Variants in CD59 observed in about 807,000 individuals in gnomAD.
The protein encoded by CD59 is CD59 molecule (CD59 blood group).
CD59 carries 3 observed loss-of-function variants against 7.0 expected under a neutral mutation model. The observed-to-expected ratio is 0.43, with a 90% CI of 0.19 to 1.10. The LOEUF is 1.10. Ranked by LOEUF, CD59 falls within the 50% of genes least tolerant of loss-of-function variation. CD59 has a pLI of 0.29. For missense variants in CD59, 143 were observed against 151.0 expected (o/e 0.95, Z 0.28); for synonymous variants, 60 against 62.0 (o/e 0.97, Z 0.15).
chr11:33,718,099 T>TA (rs1396642138), intron 2 of CD59: 1 of 155,630 alleles, frequency 6.4e-6, no homozygotes, highest in African/African-American at 2.4e-5. Flanking sequence ...ATTTTGTCAA[T>TA]AAAAAAATCT....
At chr11:33,713,275 AGAAGGTATTT>A (rs1853645063) in intron 3 of CD59, among the ~76,000 whole-genome samples, 1 of 152,212 alleles carries the variant, frequency 6.6e-6, no homozygotes, top group Non-Finnish European at 1.5e-5. Context: ...CTGGGGTATA[AGAAGGTATTT>A]GTCCTTGCCC....
chr11:33,714,888 C>A (rs1272966962), intron 3 of CD59, among the ~76,000 whole-genome samples: 1 of 151,064 alleles, frequency 6.6e-6, no homozygotes, highest in Non-Finnish European at 1.5e-5. Flanking sequence ...CCTAGGAGAG[C>A]AATGCCTTCT....
rs1214044396 is a variant in CD59 at position 33,706,279 on chromosome 11, G to GAT, written c.*3845_*3846dup. The GAT allele has an allele frequency of 6.6e-6, 1 of 151,970 alleles. No homozygotes were observed. Among genetic ancestry groups the GAT allele is most frequent in the Non-Finnish European group, 1.5e-5 (1 of 68,004 alleles). 9.4% of individuals were successfully genotyped at this position (151,970 alleles called of 1,614,324 possible). On this transcript the variant is annotated 3_prime_UTR_variant, in exon 4 of 4. Coordinates refer to ENST00000642928, the MANE Select transcript of CD59 (RefSeq NM_000611.6). ...TGTATAAACAGGAAGCTTTAGTTTAGATAAATAAGATTATCCATTACAAAA... is the reference window on the plus strand; with the variant it reads ...TGTATAAACAGGAAGCTTTAGTTTAGATATAAATAAGATTATCCATTACAAAA...
In CD59 at chr11:33,705,116, G is replaced by A. The variant is rs758162895; in HGVS notation, c.*5010C>T. 6.6e-5 allele frequency: 10 copies of A among 152,190 alleles called. No individual in the cohort carries two copies. Among genetic ancestry groups the A allele is most frequent in the Non-Finnish European group, 1.3e-4 (9 of 68,046 alleles). 9.4% of individuals were successfully genotyped at this position (152,190 alleles called of 1,614,324 possible). A position where few individuals can be genotyped will look rare whatever the true frequency, so the allele number is the denominator to read the frequency against. On this transcript the variant is annotated 3_prime_UTR_variant, in exon 4 of 4. Transcript: ENST00000642928. ...GGGAGTACAGAGGCCTGGAAGATGA[G>A]GGAGCTGGGTTTAAGCCCCATCAAC...
At chr11:33,722,294 A>G in intron 2 of CD59, 85 bp downstream of exon 2, 1 of 996,196 alleles carries the variant, frequency 1.0e-6, no homozygotes, top group Non-Finnish European at 1.6e-6. Flanking sequence ...GGCCTGGAGG[A>G]GCAGCTGGGG....
chr11:33,717,218 A>G (rs2133544316), intron 3 of CD59, 152 bp downstream of exon 3: 7 of 669,400 alleles, frequency 1.0e-5, no homozygotes. Flanking sequence ...TTTAAAATGT[A>G]TGAAGAAAGT....
At chr11:33,711,818 A>T (rs1402631996) in intron 3 of CD59, among the ~76,000 whole-genome samples, 1 of 152,256 alleles carries the variant, frequency 6.6e-6, no homozygotes, top group Non-Finnish European at 1.5e-5. Flanking sequence ...ATACCACTTT[A>T]TACTCACTAG....
rs920536095 is a variant in CD59 at position 33,703,793 on chromosome 11, G to C, written c.*6333C>G. ...TCATTGTTCCGCTGTCAGGAGGAGA[G>C]GGGCCAGAAGGGTCACACTGAAGAA... On this transcript the variant is annotated 3_prime_UTR_variant, in exon 4 of 4. Transcript: ENST00000642928. The C allele has an allele frequency of 6.6e-6, 1 of 152,230 alleles. No homozygotes were observed. The highest frequency in any genetic ancestry group is 2.4e-5 in the African/African-American group (1 of 41,442). 9.4% of individuals were successfully genotyped at this position (152,230 alleles called of 1,614,324 possible).
intron 1 of CD59, among the ~76,000 whole-genome samples, chr11:33,730,326 G>A (rs901409404): frequency 6.6e-6 from 1 of 151,990 alleles, no homozygotes; most frequent in African/African-American, 2.4e-5. Flanking sequence ...GAGGTGGAAG[G>A]ATTGCTTGAG....
chr11:33,726,782 C>A (rs1447668924), intron 1 of CD59, among the ~76,000 whole-genome samples: 2 of 151,810 alleles, frequency 1.3e-5, no homozygotes, highest in African/African-American at 4.8e-5. Flanking sequence ...GTTAGCCAGA[C>A]TAATAAAGAA....
rs1853571193 is a variant in CD59, at chr11:33,711,798, T to C, written c.170-1455A>G. Among the ~76,000 whole-genome samples the C allele has an allele frequency of 2.6e-5, 4 of 152,182 alleles. No individual in the cohort carries two copies. The South Asian group carries it at 8.3e-4, about 32-fold the overall frequency. On this transcript the variant is annotated intron_variant, in intron 3 of 3. Transcript: ENST00000642928. ...GTCATTAGGAACATGCAAATGAAAA[T>C]CACAGTGAGATACCACTTTATACTC...
At chr11:33,729,497 T>C (rs1854351896) in intron 1 of CD59, among the ~76,000 whole-genome samples, 1 of 150,706 alleles carries the variant, frequency 6.6e-6, no homozygotes, top group Non-Finnish European at 1.5e-5. Context: ...GAGGGGAACA[T>C]CAGACACCAG....
Position 33,717,378 on chromosome 11 carries a change from G to A in CD59, c.161C>T (p.Thr54Ile). The change falls in exon 3 of 4, where the codon ACC becomes ATC. Residue 54 changes from threonine (T) to isoleucine (I), a missense_variant. Coordinates refer to ENST00000642928, the MANE Select transcript of CD59 (RefSeq NM_000611.6). ...ACAGGGGAGGCTCTTACCAGCTTTG[G>A]TAATGAGACACGCATCAAAATCAGA... ...CSSDFDACLI[T>I]KAGLQVYNKC... 6.2e-7 allele frequency: 1 copy of A among 1,609,186 alleles called. No individual in the cohort carries two copies. Among genetic ancestry groups the A allele is most frequent in the Non-Finnish European group, 8.5e-7 (1 of 1,175,622 alleles).
At position 33,709,339 on chromosome 11, in the gene CD59, A is replaced by C. The variant is rs564278886; in HGVS notation, c.*787T>G. ...AGTAACATTTAAAATAAGCACACTT[A>C]ATACTGCCAGTCACATGTAGTAGAG... On this transcript the variant is annotated 3_prime_UTR_variant, in exon 4 of 4. Transcript: ENST00000642928. 1 of 153,384 alleles carries C rather than the reference A, an allele frequency of 6.5e-6. No individual in the cohort carries two copies. The highest frequency in any genetic ancestry group is 2.1e-4 in the South Asian group (1 of 4,858). The allele number at this position is 153,384 out of a possible 1,614,324, so 9.5% of individuals were successfully genotyped here.
chr11:33,732,181 T>C (rs1299226784), intron 1 of CD59, among the ~76,000 whole-genome samples: 1 of 147,664 alleles, frequency 6.8e-6, no homozygotes, highest in Non-Finnish European at 1.5e-5. Flanking sequence ...GTCTTCGGTA[T>C]GTCTTTATCA....
intron 3 of CD59, chr11:33,711,484 G>A (rs1186350685): frequency 1.5e-6 from 1 of 689,202 alleles, no homozygotes; most frequent in Non-Finnish European, 2.6e-6. Context: ...GCCAGCCTGG[G>A]CAACATAGTG....
At chr11:33,720,276 G>A (rs1050625421) in intron 2 of CD59, among the ~76,000 whole-genome samples, 7 of 152,220 alleles carry the variant, frequency 4.6e-5, no homozygotes, top group Non-Finnish European at 1.0e-4. Context: ...CAGCTACTAA[G>A]TGACCGAGCT....
At chr11:33,710,676 T>C (rs1327345992) in intron 3 of CD59, among the ~76,000 whole-genome samples, 3 of 152,194 alleles carry the variant, frequency 2.0e-5, no homozygotes, top group East Asian at 1.9e-4. Flanking sequence ...ATTCCACTTT[T>C]AGAATTTACG....
intron 1 of CD59, among the ~76,000 whole-genome samples, chr11:33,725,285 GAA>G (rs35899420): frequency 1.6e-4 from 14 of 86,464 alleles, no homozygotes; most frequent in East Asian, 3.6e-4. Flanking sequence ...CCATTTTAAG[GAA>G]AAAAAAAAAA....
Sources: allele counts gnomAD v4.1 joint callset (sites outside exome capture counted in the v4.1 genomes callset), GRCh38; gene constraint gnomAD v4.1.1; transcripts MANE v1.5; gene names NCBI Gene and HGNC (gene_info 2026-07-23, HGNC 2026-07-21).